The following CCDC170 variants were observed in gnomAD, a reference collection of about 807,000 sequenced individuals.
CCDC170 encodes the protein coiled-coil domain containing 170.
In CCDC170, 69 loss-of-function variants were observed where a neutral mutation model predicts 72.6. The ratio of observed to expected loss-of-function variants is 0.95; its 90% confidence interval spans 0.78 to 1.16. The LOEUF (loss-of-function observed/expected upper bound fraction) is 1.16, where lower values mean the gene tolerates loss of function less well. CCDC170 is among the 50% of genes most tolerant of loss of function. The pLI is 0.00. For synonymous variants in CCDC170, 300 were observed against 303.9 expected (o/e 0.99, Z 0.13); for missense variants, 852 against 832.5 (o/e 1.02, Z -0.29).
intron 1 of CCDC170, among the ~76,000 whole-genome samples, chr6:151,524,955 C>T (rs1462016619): frequency 4.4e-4 from 44 of 99,902 alleles, no homozygotes; most frequent in Admixed American, 1.3e-3. Context: ...TTTTTTGAGA[C>T]GGAGTCTCAC....
At chr6:151,592,904 G>A (rs1362600075) in intron 7 of CCDC170, 7 of 599,248 alleles carry the variant, frequency 1.2e-5, no homozygotes, top group Non-Finnish European at 2.1e-5. Flanking sequence ...AGAGTCAAGA[G>A]CATTCAGACA....
chr6:151,525,767 C>T (rs1782395547), intron 1 of CCDC170, among the ~76,000 whole-genome samples: 1 of 152,192 alleles, frequency 6.6e-6, no homozygotes, highest in Admixed American at 6.5e-5. Context: ...GTGCATGACA[C>T]TATAGTTAAC....
intron 4 of CCDC170, among the ~76,000 whole-genome samples, chr6:151,547,372 G>C (rs531986910): frequency 6.6e-6 from 1 of 152,278 alleles, no homozygotes; most frequent in African/African-American, 2.4e-5. Flanking sequence ...ATGGTGAAAG[G>C]TGCAATACAG....
rs1335985559 is a variant in CCDC170 at position 151,512,455 on chromosome 6, C to T, written c.57+18270C>T. ...GATTACAGGCATAAGCCACTGCACC[C>T]GGACCCAGTAGTATATCATTTTAAA... On this transcript the variant is annotated intron_variant, in intron 1 of 10. Transcript: ENST00000239374. Among the ~76,000 whole-genome samples the T allele has an allele frequency of 2.6e-5, 4 of 151,792 alleles. No homozygotes were observed. The South Asian group carries it at 6.3e-4, about 24-fold the overall frequency.
At chr6:151,592,961 C>T in intron 7 of CCDC170, 146 bp from the exon 8 acceptor site, 2 of 798,528 alleles carry the variant, frequency 2.5e-6, no homozygotes, top group Non-Finnish European at 2.0e-6. Flanking sequence ...TTTATTACCA[C>T]ATATGGGTCA....
chr6:151,509,024 A>G (rs1016663773), intron 1 of CCDC170, among the ~76,000 whole-genome samples: 1 of 151,832 alleles, frequency 6.6e-6, no homozygotes, highest in African/African-American at 2.4e-5. Context: ...TCAAAAAAAA[A>G]AAAAAAAAAT....
At chr6:151,525,996 A>C (rs1223346579) in intron 1 of CCDC170, among the ~76,000 whole-genome samples, 1 of 152,086 alleles carries the variant, frequency 6.6e-6, no homozygotes, top group Non-Finnish European at 1.5e-5. Flanking sequence ...TCCCTCCATT[A>C]AGCATACTTT....
At chr6:151,616,937 A>C (rs900292219) in intron 10 of CCDC170, among the ~76,000 whole-genome samples, 2 of 152,202 alleles carry the variant, frequency 1.3e-5, no homozygotes, top group Non-Finnish European at 2.9e-5. Flanking sequence ...ATAGCTTCAC[A>C]TTGGTCATTA....
chr6:151,597,068 C>T (rs565164840), intron 9 of CCDC170, among the ~76,000 whole-genome samples: 5 of 152,290 alleles, frequency 3.3e-5, no homozygotes, highest in South Asian at 2.1e-4. Context: ...TCAGGTGATC[C>T]GCCCGCCTTG....
At chr6:151,551,086 A>G (rs926516224) in intron 5 of CCDC170, among the ~76,000 whole-genome samples, 1 of 152,230 alleles carries the variant, frequency 6.6e-6, no homozygotes. Flanking sequence ...TCAAATATAT[A>G]GAAAGAGTGA....
intron 8 of CCDC170, among the ~76,000 whole-genome samples, chr6:151,594,437 A>G (rs1776590169): frequency 6.6e-6 from 1 of 152,200 alleles, no homozygotes; most frequent in Admixed American, 6.5e-5. Context: ...CCACTACCAT[A>G]TCTTGAGGAA....
chr6:151,544,622 G>T lies in CCDC170; in HGVS notation c.494G>T (p.Cys165Phe). Reference sequence around the variant, plus strand: ...AATAAGAAACAAGTTTCAAAGAATTGCAGGAAACATGAGGAATTTCTGACT... The same window carrying T: ...AATAAGAAACAAGTTTCAAAGAATTTCAGGAAACATGAGGAATTTCTGACT... ...EENKKQVSKN[C>F]RKHEEFLTQL... The change falls in exon 4 of 11, where the codon TGC becomes TTC. Residue 165 changes from cysteine (C) to phenylalanine (F), a missense_variant. Cys to Phe is a radical substitution (Grantham distance 205). Transcript: ENST00000239374. 1 of 1,613,562 alleles carries T rather than the reference G, an allele frequency of 6.2e-7. No homozygotes were observed.
chr6:151,510,038 G>T (rs145602642), intron 1 of CCDC170, among the ~76,000 whole-genome samples: 2 of 152,122 alleles, frequency 1.3e-5, no homozygotes, highest in Non-Finnish European at 2.9e-5. Context: ...TATGAGAATC[G>T]CTTGAACCTG....
chr6:151,602,770 G>A (rs149062498), intron 9 of CCDC170, among the ~76,000 whole-genome samples: 34 of 150,518 alleles, frequency 2.3e-4, no homozygotes, highest in African/African-American at 7.8e-4. Context: ...ATTTATTTCT[G>A]TTATAAATTA....
intron 8 of CCDC170, among the ~76,000 whole-genome samples, chr6:151,595,617 G>A (rs921436261): frequency 6.6e-6 from 1 of 152,010 alleles, no homozygotes; most frequent in African/African-American, 2.4e-5. Flanking sequence ...GGAGTTCAAG[G>A]CCAGCCAAGG....
chr6:151,585,932 A>G lies in CCDC170; in HGVS notation c.1136A>G (p.Gln379Arg). Residue 379 changes from glutamine (Q) to arginine (R), a missense_variant, in exon 7 of 11, where the codon CAG becomes CGG. By Grantham distance (43) the Gln-to-Arg change is conservative. Transcript: ENST00000239374. The stretch of plus-strand genomic sequence containing the variant: ...GCCCAAATATCTGAGCTTGTTGAAC[A>G]GTTGGGAAAGGAGTCTGGGTTTCAC... Reference protein sequence around the residue: ...LEAQISELVEQLGKESGFHQK... With the variant: ...LEAQISELVERLGKESGFHQK... 1 of 1,613,940 alleles carries G rather than the reference A, an allele frequency of 6.2e-7. No homozygotes were observed. The highest frequency in any genetic ancestry group is 1.1e-5 in the South Asian group (1 of 91,020).
At chr6:151,509,684 A>T (rs1248512246) in intron 1 of CCDC170, among the ~76,000 whole-genome samples, 1 of 152,242 alleles carries the variant, frequency 6.6e-6, no homozygotes, top group Non-Finnish European at 1.5e-5. Context: ...AAATTAAATC[A>T]ATTATTTGAG....
chr6:151,552,526 C>A (rs1251495206), intron 5 of CCDC170, among the ~76,000 whole-genome samples: 1 of 152,112 alleles, frequency 6.6e-6, no homozygotes, highest in Non-Finnish European at 1.5e-5. Context: ...TCTTTATTTT[C>A]TTTCCTTTTG....
At chr6:151,539,465 G>A (rs959784833) in intron 3 of CCDC170, among the ~76,000 whole-genome samples, 13 of 152,070 alleles carry the variant, frequency 8.5e-5, no homozygotes, top group African/African-American at 2.9e-4. Context: ...TGGCTTCCAG[G>A]ACTTTACACA....
Sources: gnomAD v4.1 joint callset for allele counts (sites outside exome capture counted in the v4.1 genomes callset) on GRCh38, gnomAD v4.1.1 for gene constraint, MANE v1.5 for transcripts, NCBI Gene and HGNC (gene_info 2026-07-23, HGNC 2026-07-21) for gene names.